PTGR2: variants seen among roughly 807,000 people sequenced by gnomAD.
PTGR2 encodes 15-oxoprostaglandin 13-reductase.
PTGR2 carries 32 observed loss-of-function variants against 43.4 expected under a neutral mutation model. That is an observed-to-expected ratio of 0.74 (90% CI 0.56 to 0.99). The LOEUF is 0.99. PTGR2 is among the 50% of genes least tolerant of loss of function. The pLI, the probability that PTGR2 is intolerant of heterozygous loss-of-function variation, is 0.00. For missense variants in PTGR2, 373 were observed against 420.0 expected (o/e 0.89, Z 0.98); for synonymous variants, 106 against 139.2 (o/e 0.76, Z 1.68).
chr14:73,879,446 G>C lies in PTGR2; in HGVS notation c.729+141G>C, dbSNP rs955558613. The C allele has an allele frequency of 7.2e-6, 5 of 693,712 alleles. No individual in the cohort carries two copies. In the African/African-American group the frequency reaches 7.2e-5, roughly 10 times the overall value. The allele number at this position is 693,712 out of a possible 1,614,324, so 43.0% of individuals were successfully genotyped here. On this transcript the variant is annotated intron_variant, in intron 6 of 9. Transcript: ENST00000555661. ...GTGATGATCAGTATTGTATTTAAGT[G>C]ATACAAAAGAGCTTGCTGATACCTA...
intron 3 of PTGR2, among the ~76,000 whole-genome samples, chr14:73,872,080 G>C (rs905818728): frequency 6.6e-6 from 1 of 152,106 alleles, no homozygotes; most frequent in Non-Finnish European, 1.5e-5. Context: ...CCGTGCTGTC[G>C]TCCTCTACAT....
At chr14:73,883,441 G>T (rs1221079784) in intron 9 of PTGR2, among the ~76,000 whole-genome samples, 2 of 149,812 alleles carry the variant, frequency 1.3e-5, no homozygotes, top group Non-Finnish European at 3.0e-5. Context: ...TGATCCTTCT[G>T]CCTCAGCCTC....
rs149042463 is a variant in PTGR2, at chr14:73,869,529, A to G, written c.157-4494A>G. 1.5e-4 allele frequency among the ~76,000 whole-genome samples: 22 copies of G among 151,372 alleles called. No homozygotes were observed. In the East Asian group the frequency reaches 4.3e-3, roughly 30 times the overall value. ...GTCGAAGCTGTAGTGAGCTGTGATCATGCCACTGCACTCCAGCCTGGGCAA... is the reference window on the plus strand; with the variant it reads ...GTCGAAGCTGTAGTGAGCTGTGATCGTGCCACTGCACTCCAGCCTGGGCAA... On this transcript the variant is annotated intron_variant, in intron 3 of 9. Coordinates refer to ENST00000555661, the MANE Select transcript of PTGR2 (RefSeq NM_001146154.2).
At chr14:73,881,366 T>C in intron 8 of PTGR2, 74 bp downstream of exon 8, 2 of 847,484 alleles carry the variant, frequency 2.4e-6, no homozygotes, top group South Asian at 1.6e-5. Flanking sequence ...AAATGTACTA[T>C]AGCAAACATA....
intron 3 of PTGR2, among the ~76,000 whole-genome samples, chr14:73,865,013 A>T (rs1481470273): frequency 5.9e-5 from 9 of 152,158 alleles, no homozygotes; most frequent in Non-Finnish European, 8.8e-5. Context: ...ATTAATCAAG[A>T]TTCTTTAGAG....
rs567793800 is a variant in PTGR2 at position 73,885,257 on chromosome 14, C to G, written c.*1080C>G. ...TGAGCTGAGCTTGCACCATTGCACT[C>G]CAGCCTGGGCGACAAGAGTGAAATT... On this transcript the variant is annotated 3_prime_UTR_variant, in exon 10 of 10. Transcript: ENST00000555661. 1 of 152,322 alleles carries G rather than the reference C, an allele frequency of 6.6e-6. No individual in the cohort carries two copies. Among genetic ancestry groups the G allele is most frequent in the South Asian group, 2.1e-4 (1 of 4,824 alleles). The allele number at this position is 152,322 out of a possible 1,614,324, so 9.4% of individuals were successfully genotyped here.
At chr14:73,870,188 G>A (rs1453316791) in intron 3 of PTGR2, among the ~76,000 whole-genome samples, 6 of 135,738 alleles carry the variant, frequency 4.4e-5, no homozygotes, top group Non-Finnish European at 9.3e-5. Flanking sequence ...AAAATCTTAA[G>A]CAACCTTTTT....
At chr14:73,874,534 A>G (rs761764504) in intron 4 of PTGR2, 24 of 476,526 alleles carry the variant, frequency 5.0e-5, no homozygotes, top group Non-Finnish European at 8.7e-5. Context: ...GAGGGACCAG[A>G]TGGTTGAAGG....
chr14:73,884,299 T>G lies in PTGR2; in HGVS notation c.*122T>G. ...GATTTAAATGTGATCATAGGTGTTA[T>G]TTTTAGTTGCATAGGGTATTTGATA... is the stretch of plus-strand genomic sequence containing the variant. On this transcript the variant is annotated 3_prime_UTR_variant, in exon 10 of 10. Coordinates refer to ENST00000555661, the MANE Select transcript of PTGR2 (RefSeq NM_001146154.2). 2 of 615,570 alleles carry G rather than the reference T, an allele frequency of 3.2e-6. No individual in the cohort carries two copies. Among genetic ancestry groups the G allele is most frequent in the Non-Finnish European group, 5.6e-6 (2 of 359,030 alleles). 38.1% of individuals were successfully genotyped at this position (615,570 alleles called of 1,614,324 possible). A position where few individuals can be genotyped will look rare whatever the true frequency, so the allele number is the denominator to read the frequency against.
chr14:73,868,421 T>A (rs2054652604), intron 3 of PTGR2, among the ~76,000 whole-genome samples: 1 of 152,200 alleles, frequency 6.6e-6, no homozygotes, highest in African/African-American at 2.4e-5. Context: ...TTCTGCTTAA[T>A]CTTTGTATGA....
At chr14:73,875,308 A>AT (rs1225037711) in intron 4 of PTGR2, among the ~76,000 whole-genome samples, 5 of 150,222 alleles carry the variant, frequency 3.3e-5, no homozygotes, top group African/African-American at 1.2e-4. Context: ...TTAATGGTAC[A>AT]TTTTAAGCAT....
intron 3 of PTGR2, among the ~76,000 whole-genome samples, chr14:73,864,504 T>C (rs929654914): frequency 1.3e-5 from 2 of 152,248 alleles, no homozygotes; most frequent in African/African-American, 4.8e-5. Context: ...TAAAGTGATA[T>C]CTCCTTGTGG....
At chr14:73,868,484 T>C (rs574244104) in intron 3 of PTGR2, among the ~76,000 whole-genome samples, 3 of 152,292 alleles carry the variant, frequency 2.0e-5, no homozygotes, top group Admixed American at 1.3e-4. Context: ...TTAGGGGGCT[T>C]GTGAATCCTA....
rs1323010968 is a variant in PTGR2 at position 73,863,457 on chromosome 14, G to A, written c.156+2800G>A. Reference sequence around the variant, plus strand: ...GAGCTCTTGAGTAGCTGAGACCATAGGTGTGTGCCACCATGCCCGGCTAAT... The same window carrying A: ...GAGCTCTTGAGTAGCTGAGACCATAAGTGTGTGCCACCATGCCCGGCTAAT... On this transcript the variant is annotated intron_variant, in intron 3 of 9. Transcript: ENST00000555661. Among the ~76,000 whole-genome samples the A allele has an allele frequency of 2.6e-5, 4 of 152,000 alleles. No individual in the cohort carries two copies. In the East Asian group the frequency reaches 7.7e-4, roughly 29 times the overall value.
intron 3 of PTGR2, among the ~76,000 whole-genome samples, chr14:73,873,237 G>T (rs546011159): frequency 2.1e-4 from 32 of 151,996 alleles, no homozygotes; most frequent in African/African-American, 7.7e-4. Flanking sequence ...AACCCAGGAG[G>T]CAGAGGTTGC....
At chr14:73,867,115 AAC>A in intron 3 of PTGR2, among the ~76,000 whole-genome samples, 7 of 146,920 alleles carry the variant, frequency 4.8e-5, no homozygotes, top group African/African-American at 1.7e-4. Context: ...AAAACAAAAA[AAC>A]AAAAAAAAGA....
At chr14:73,881,701 G>T (rs1434474059) in intron 8 of PTGR2, among the ~76,000 whole-genome samples, 4 of 147,912 alleles carry the variant, frequency 2.7e-5, no homozygotes, top group Non-Finnish European at 5.9e-5. Context: ...ACATTCTAAT[G>T]TATGTCTTAG....
chr14:73,873,997 A>G (rs780028393), intron 3 of PTGR2, 26 bp from the exon 4 acceptor site: 2 of 1,538,164 alleles, frequency 1.3e-6, no homozygotes, highest in South Asian at 2.5e-5. Flanking sequence ...ATTGGATAAA[A>G]TTATCTTAAT....
At chr14:73,867,260 A>G (rs2054624505) in intron 3 of PTGR2, among the ~76,000 whole-genome samples, 1 of 151,964 alleles carries the variant, frequency 6.6e-6, no homozygotes, top group Non-Finnish European at 1.5e-5. Context: ...GCTCTCATTC[A>G]CTGGAACCAC....
Sources: gnomAD v4.1 joint callset for allele counts (sites outside exome capture counted in the v4.1 genomes callset) on GRCh38, gnomAD v4.1.1 for gene constraint, MANE v1.5 for transcripts, NCBI Gene and HGNC (gene_info 2026-07-23, HGNC 2026-07-21) for gene names.